SCLT1: variants seen among roughly 807,000 people sequenced by gnomAD.
SCLT1 encodes the protein sodium channel and clathrin linker 1, also known as sodium channel-associated protein 1.
Under a neutral mutation model 112.8 loss-of-function variants are expected in SCLT1, and 78 were observed. That is an observed-to-expected ratio of 0.69 (90% CI 0.58 to 0.83). SCLT1 has a LOEUF of 0.83. Ranked by LOEUF, SCLT1 falls within the 40% of genes least tolerant of loss-of-function variation. The probability of loss-of-function intolerance (pLI) is 0.00; values close to 1 mark genes in which losing one functional copy is unlikely to be tolerated. For missense variants in SCLT1, 747 were observed against 770.4 expected, an observed-to-expected ratio of 0.97 and a Z score of 0.36; for synonymous variants, 257 against 254.7, an observed-to-expected ratio of 1.01 and a Z score of -0.09.
intron 5 of SCLT1, among the ~76,000 whole-genome samples, chr4:129,032,228 A>T (rs997667008): frequency 6.6e-6 from 1 of 152,158 alleles, no homozygotes; most frequent in Non-Finnish European, 1.5e-5. Flanking sequence ...GGGAAAAACA[A>T]GCAATGGGGA....
rs577839874 is a variant in SCLT1, at chr4:129,015,687, C to T, written c.291-11811G>A. On this transcript the variant is annotated intron_variant, in intron 5 of 20. Transcript: ENST00000281142. ...CTCTCCCTGCCAACTCAAGTGTCTA[C>T]GATGGTTGAAGGGTCTCTCTCCTCC... Among the ~76,000 whole-genome samples the T allele has an allele frequency of 9.4e-4, 143 of 152,282 alleles. 1 individual carries two copies. The highest frequency in any genetic ancestry group is 3.4e-3 in the Middle Eastern group (1 of 294).
chr4:128,918,936 T>G (rs1023044666), intron 18 of SCLT1, among the ~76,000 whole-genome samples: 3 of 152,172 alleles, frequency 2.0e-5, no homozygotes. Flanking sequence ...GGCAAATTCT[T>G]AGAGACCTAC....
downstream of SCLT1, among the ~76,000 whole-genome samples, chr4:128,883,505 T>C (rs537739339): frequency 6.6e-6 from 1 of 152,246 alleles, no homozygotes; most frequent in African/African-American, 2.4e-5. Context: ...GGTATACCTA[T>C]GTAACAAACC....
chr4:128,988,785 AAGAC>A (rs1211685518), intron 9 of SCLT1, among the ~76,000 whole-genome samples: 1 of 152,010 alleles, frequency 6.6e-6, no homozygotes, highest in Non-Finnish European at 1.5e-5. Context: ...GGAATGGAAA[AAGAC>A]AGTCCATGCA....
At position 128,936,824 on chromosome 4, in the gene SCLT1, T is replaced by C. The variant is rs768908934; in HGVS notation, c.1660A>G (p.Ile554Val). The change falls in exon 18 of 21, where the codon ATA becomes GTA. Residue 554 changes from isoleucine (I) to valine (V), a missense_variant. Physicochemically the swap from Ile to Val is conservative, Grantham distance 29. Around this residue, in one of 2 missense-constraint regions of SCLT1, gnomAD observed 723 missense variants for 721.3 expected, o/e 1.00. Transcript: ENST00000281142. ...TGAACTTCAAATCCACGTTCCTTTA[T>C]TGAAAATTCATGTTCCATTGTACTG... is the stretch of plus-strand genomic sequence containing the variant. ...KISTMEHEFS[I>V]KERGFEVQLR... 6.9e-6 allele frequency: 11 copies of C among 1,585,178 alleles called. No homozygotes were observed. Among genetic ancestry groups the C allele is most frequent in the East Asian group, 6.7e-5 (3 of 44,642 alleles).
chr4:128,970,495 A>C (rs1056975338), intron 9 of SCLT1, 27 bp from the exon 10 acceptor site: 5 of 1,254,676 alleles, frequency 4.0e-6, no homozygotes, highest in Middle Eastern at 3.7e-4. Context: ...ATTAATAAAC[A>C]CTGTTTTCAT....
chr4:129,063,091 TCTGA>T (rs1386957752), intron 2 of SCLT1, among the ~76,000 whole-genome samples: 3 of 152,402 alleles, frequency 2.0e-5, no homozygotes, highest in Admixed American at 2.0e-4. Flanking sequence ...TTTTTTCTTG[TCTGA>T]CTGGGTAATT....
intron 2 of SCLT1, among the ~76,000 whole-genome samples, chr4:129,050,856 G>A (rs1431898142): frequency 6.6e-6 from 1 of 151,872 alleles, no homozygotes; most frequent in Non-Finnish European, 1.5e-5. Flanking sequence ...GGCTTTTTAT[G>A]GTTTTGGCTT....
At chr4:128,901,467 A>T (rs2125935490) in intron 18 of SCLT1, among the ~76,000 whole-genome samples, 1 of 151,622 alleles carries the variant, frequency 6.6e-6, no homozygotes, top group East Asian at 2.0e-4. Context: ...TGGGAATTGA[A>T]CAATGAGAAC....
intron 18 of SCLT1, among the ~76,000 whole-genome samples, chr4:128,894,879 T>C (rs548233701): frequency 6.6e-6 from 1 of 152,292 alleles, no homozygotes; most frequent in South Asian, 2.1e-4. Context: ...GGTATCACCA[T>C]GTTGGCCAGG....
intron 2 of SCLT1, among the ~76,000 whole-genome samples, chr4:129,066,775 C>T (rs373027654): frequency 6.6e-6 from 1 of 151,980 alleles, no homozygotes; most frequent in Non-Finnish European, 1.5e-5. Context: ...AGGATACATA[C>T]AGCATGCTAT....
intron 2 of SCLT1, among the ~76,000 whole-genome samples, chr4:129,074,006 T>C (rs548736841): frequency 8.5e-4 from 130 of 152,328 alleles, no homozygotes; most frequent in Non-Finnish European, 1.6e-3. Context: ...TCATCTACTC[T>C]TCAATGTCCG....
intron 18 of SCLT1, among the ~76,000 whole-genome samples, chr4:128,935,011 AT>A (rs1216794054): frequency 1.4e-4 from 21 of 152,138 alleles, no homozygotes; most frequent in African/African-American, 4.8e-4. Flanking sequence ...TTTTGAAAAA[AT>A]AACCATGAAG....
At chr4:128,923,753 C>T (rs1215231369) in intron 18 of SCLT1, among the ~76,000 whole-genome samples, 1 of 151,486 alleles carries the variant, frequency 6.6e-6, no homozygotes, top group Non-Finnish European at 1.5e-5. Flanking sequence ...CATTTGGGTT[C>T]TCATTTTCAG....
At position 129,055,647 on chromosome 4, in the gene SCLT1, G is replaced by A. The variant is rs72926003; in HGVS notation, c.103-11596C>T. Reference sequence around the variant, plus strand: ...CCAACCAAGCTCGTTCATCCCAGGTGGACTTCAGACTTCTGTGTTGGCAGC... The same window carrying A: ...CCAACCAAGCTCGTTCATCCCAGGTAGACTTCAGACTTCTGTGTTGGCAGC... On this transcript the variant is annotated intron_variant, in intron 2 of 20. Transcript: ENST00000281142. Among the ~76,000 whole-genome samples, 834 of 152,090 alleles carry A rather than the reference G, an allele frequency of 5.5e-3. 8 individuals are homozygous for A. The highest frequency in any genetic ancestry group is 0.019 in the African/African-American group (787 of 41,484).
rs777030480 is a variant in SCLT1, at chr4:129,049,663, G to A, written c.103-5612C>T. On this transcript the variant is annotated intron_variant, in intron 2 of 20. Transcript: ENST00000281142. ...AAAGAGACGGGGTGATTTATTTTTGGCATATGGATATACAGTTTTTCCAGC... is the reference window on the plus strand; with the variant it reads ...AAAGAGACGGGGTGATTTATTTTTGACATATGGATATACAGTTTTTCCAGC... 2.7e-5 allele frequency among the ~76,000 whole-genome samples: 4 copies of A among 149,706 alleles called. No individual in the cohort carries two copies. In the East Asian group the frequency reaches 5.8e-4, roughly 22 times the overall value.
intron 6 of SCLT1, among the ~76,000 whole-genome samples, chr4:129,003,317 G>A (rs1743684960): frequency 6.6e-6 from 1 of 151,762 alleles, no homozygotes; most frequent in Non-Finnish European, 1.5e-5. Flanking sequence ...ATAGCATTAG[G>A]AGAAATACCT....
chr4:129,058,903 C>T (rs987825165), intron 2 of SCLT1, among the ~76,000 whole-genome samples: 1 of 151,930 alleles, frequency 6.6e-6, no homozygotes, highest in African/African-American at 2.4e-5. Flanking sequence ...CTTTATCTTC[C>T]TTTACATATT....
intron 9 of SCLT1, among the ~76,000 whole-genome samples, chr4:128,974,084 T>C (rs1740940528): frequency 6.6e-6 from 1 of 152,178 alleles, no homozygotes; most frequent in Non-Finnish European, 1.5e-5. Flanking sequence ...GCTCACAGAA[T>C]TATAAAGTTC....
Sources: gnomAD v4.1 joint callset for allele counts (sites outside exome capture counted in the v4.1 genomes callset) on GRCh38, gnomAD v4.1.1 for gene constraint, gnomAD v4.1.1 regional missense constraint, MANE v1.5 for transcripts, NCBI Gene and HGNC (gene_info 2026-07-23, HGNC 2026-07-21) for gene names.